Variants in ESR1 observed in about 807,000 individuals in gnomAD.
The protein encoded by ESR1 is estrogen receptor 1, also known as estrogen receptor.
ESR1 carries 12 observed loss-of-function variants against 52.7 expected under a neutral mutation model. The ratio of observed to expected loss-of-function variants is 0.23; its 90% CI spans 0.15 to 0.37. The LOEUF is 0.37. Among genes scored for constraint, ESR1 ranks in the 10% least tolerant of loss-of-function variants. ESR1 has a pLI of 1.00. For synonymous variants in ESR1, 305 were observed against 316.8 expected (o/e 0.96, Z 0.39); for missense variants, 584 against 779.7 (o/e 0.75, Z 2.99).
chr6:151,705,731 G>A (rs1055137444), intron 2 of ESR1, among the ~76,000 whole-genome samples: 14 of 152,228 alleles, frequency 9.2e-5, no homozygotes, highest in Admixed American at 6.5e-4. Flanking sequence ...TAAGTAAGCT[G>A]CAACCCAGTA....
In ESR1 at chr6:151,944,528, C is replaced by G. The variant is rs1415935777; in HGVS notation, c.1096+20C>G. The G allele has an allele frequency of 1.2e-6, 2 of 1,605,788 alleles. No homozygotes were observed. The highest frequency in any genetic ancestry group is 1.7e-6 in the Non-Finnish European group (2 of 1,172,728). On this transcript the variant is annotated intron_variant, in intron 4 of 7. Coordinates refer to ENST00000206249, the MANE Select transcript of ESR1 (RefSeq NM_000125.4). ...TGCCAGGTAAGAATGCGAAGCGCAG[C>G]TTTTAAGAGTCAATAGCTTTTCAAG...
chr6:151,775,878 GA>G (rs1347356189), intron 2 of ESR1, among the ~76,000 whole-genome samples: 1 of 152,178 alleles, frequency 6.6e-6, no homozygotes, highest in African/African-American at 2.4e-5. Context: ...GATAGCACCA[GA>G]ACTGGGCAGG....
intron 4 of ESR1, among the ~76,000 whole-genome samples, chr6:151,974,246 A>T (rs2039211556): frequency 6.6e-6 from 1 of 152,230 alleles, no homozygotes; most frequent in South Asian, 2.1e-4. Context: ...AATCATTGAG[A>T]TAAGAGTGGC....
intron 5 of ESR1, among the ~76,000 whole-genome samples, chr6:152,022,725 A>C (rs1228405661): frequency 6.6e-6 from 1 of 152,150 alleles, no homozygotes; most frequent in Non-Finnish European, 1.5e-5. Flanking sequence ...TAATCTCAGC[A>C]CTTTGGGAGG....
At chr6:151,748,310 A>T (rs2128071553) in intron 2 of ESR1, among the ~76,000 whole-genome samples, 1 of 152,308 alleles carries the variant, frequency 6.6e-6, no homozygotes, top group South Asian at 2.1e-4. Flanking sequence ...CATATGACGT[A>T]TCCCTAGATA....
At chr6:151,812,181 G>A (rs1401880081) in intron 1 of ESR1, among the ~76,000 whole-genome samples, 3 of 152,274 alleles carry the variant, frequency 2.0e-5, no homozygotes, top group East Asian at 3.9e-4. Flanking sequence ...ATTAATGAAT[G>A]ATGAGACAAT....
upstream of ESR1, among the ~76,000 whole-genome samples, chr6:151,799,922 A>G (rs1402671465): frequency 1.3e-5 from 2 of 152,150 alleles, no homozygotes; most frequent in Non-Finnish European, 2.9e-5. Flanking sequence ...GTATGGGAGG[A>G]GCATAGTACC....
At chr6:151,724,382 A>G (rs1214575547) in intron 2 of ESR1, among the ~76,000 whole-genome samples, 1 of 152,122 alleles carries the variant, frequency 6.6e-6, no homozygotes, top group African/African-American at 2.4e-5. Flanking sequence ...CCCACGAAGG[A>G]GTTTGGAGGG....
chr6:151,740,699 T>G (rs1448163809), intron 2 of ESR1, among the ~76,000 whole-genome samples: 1 of 152,178 alleles, frequency 6.6e-6, no homozygotes, highest in East Asian at 1.9e-4. Flanking sequence ...CATGTGTGTG[T>G]CTGTCTCATC....
intron 1 of ESR1, among the ~76,000 whole-genome samples, chr6:151,822,846 A>G (rs188942654): frequency 1.7e-3 from 259 of 152,330 alleles, no homozygotes; most frequent in African/African-American, 6.1e-3. Context: ...CACTGGCCCA[A>G]GACTTAGTGC....
At chr6:151,835,750 T>C (rs1345718888) in intron 1 of ESR1, among the ~76,000 whole-genome samples, 2 of 152,112 alleles carry the variant, frequency 1.3e-5, no homozygotes, top group Non-Finnish European at 2.9e-5. Flanking sequence ...AGACCAATGC[T>C]AGTTGGTGCA....
intron 3 of ESR1, among the ~76,000 whole-genome samples, chr6:151,912,160 G>A (rs1217572693): frequency 6.6e-6 from 1 of 152,208 alleles, no homozygotes; most frequent in Non-Finnish European, 1.5e-5. Flanking sequence ...ACATTGAAAT[G>A]GAGAGGTGAA....
At chr6:151,789,092 C>T (rs956485534) in intron 2 of ESR1, among the ~76,000 whole-genome samples, 5 of 151,994 alleles carry the variant, frequency 3.3e-5, no homozygotes, top group Admixed American at 6.6e-5. Flanking sequence ...CACGTGTACC[C>T]CTGAACTTAA....
At chr6:152,126,882 G>A (rs1433529397) in exon 7 of ESR1, 1 of 152,226 alleles carries the variant, frequency 6.6e-6, no homozygotes, top group Non-Finnish European at 1.5e-5. Flanking sequence ...TTAATTTCGT[G>A]CATGCATCAT....
At chr6:151,975,613 A>G (rs2039369025) in intron 4 of ESR1, among the ~76,000 whole-genome samples, 1 of 152,150 alleles carries the variant, frequency 6.6e-6, no homozygotes, top group African/African-American at 2.4e-5. Context: ...CCTCTTGGGG[A>G]AACCTCAGTC....
chr6:151,674,734 G>A (rs1778194440), intron 1 of ESR1, among the ~76,000 whole-genome samples: 1 of 152,198 alleles, frequency 6.6e-6, no homozygotes. Flanking sequence ...ACTGGCGTGA[G>A]ACGGTATTTC....
intron 3 of ESR1, among the ~76,000 whole-genome samples, chr6:151,886,929 T>C (rs1793947902): frequency 6.6e-6 from 1 of 151,736 alleles, no homozygotes; most frequent in African/African-American, 2.4e-5. Flanking sequence ...TAATCCCAGC[T>C]ATTTGGGAGC....
chr6:151,673,028 G>A (rs543900095), intron 1 of ESR1, among the ~76,000 whole-genome samples: 303 of 151,108 alleles, frequency 2.0e-3, no homozygotes, highest in Non-Finnish European at 2.7e-3. Context: ...GAGTTTCACC[G>A]TATTAGCCAG....
intron 2 of ESR1, among the ~76,000 whole-genome samples, chr6:151,796,366 A>G (rs1776715218): frequency 6.6e-6 from 1 of 152,254 alleles, no homozygotes; most frequent in Middle Eastern, 3.4e-3. Flanking sequence ...TGTGTAGAAT[A>G]TCTCTGGAAG....
Sources: allele counts gnomAD v4.1 joint callset (sites outside exome capture counted in the v4.1 genomes callset), GRCh38; gene constraint gnomAD v4.1.1; transcripts MANE v1.5; gene names NCBI Gene and HGNC (gene_info 2026-07-23, HGNC 2026-07-21).